NTNG1: variants seen among roughly 807,000 people sequenced by gnomAD.
NTNG1 encodes the protein netrin G1.
Under a neutral mutation model 54.0 loss-of-function variants are expected in NTNG1, and 16 were observed. That is an observed-to-expected ratio of 0.30 (90% CI 0.20 to 0.45). The LOEUF (loss-of-function observed/expected upper bound fraction) is 0.45, where lower values mean the gene tolerates loss of function less well. Ranked by LOEUF, NTNG1 falls within the 20% of genes least tolerant of loss-of-function variation. NTNG1 has a pLI of 1.00. For missense variants in NTNG1, 530 were observed against 678.7 expected (o/e 0.78, Z 2.43); for synonymous variants, 255 against 263.1 (o/e 0.97, Z 0.30).
At chr1:107,335,277 G>T (rs1330881581) in intron 3 of NTNG1, among the ~76,000 whole-genome samples, 1 of 151,936 alleles carries the variant, frequency 6.6e-6, no homozygotes, top group Non-Finnish European at 1.5e-5. Flanking sequence ...TCCCAAAGTT[G>T]TCTTCAAATG....
At chr1:107,380,565 A>C (rs759016972) in intron 3 of NTNG1, among the ~76,000 whole-genome samples, 1 of 152,228 alleles carries the variant, frequency 6.6e-6, no homozygotes, top group Non-Finnish European at 1.5e-5. Context: ...ATTCTTATGA[A>C]GGCATGTTTA....
At chr1:107,210,258 C>G (rs1401283238) in intron 2 of NTNG1, among the ~76,000 whole-genome samples, 1 of 152,152 alleles carries the variant, frequency 6.6e-6, no homozygotes, top group East Asian at 1.9e-4. Flanking sequence ...AACTTTTTTA[C>G]TCAAGTTCAT....
chr1:107,274,972 T>C (rs1446399877), intron 2 of NTNG1, among the ~76,000 whole-genome samples: 3 of 152,214 alleles, frequency 2.0e-5, no homozygotes, highest in South Asian at 2.1e-4. Context: ...CCAGAAATCT[T>C]TGTTCTTGTA....
At position 107,148,144 on chromosome 1, in the gene NTNG1, G is replaced by A. The variant is rs187713997; in HGVS notation, c.-450G>A. ...TATAGACACTCATCCTTTTGCTTCA[G>A]ATACTGATATCTCAGCCTGCTTGAG... On this transcript the variant is annotated 5_prime_UTR_variant, in exon 2 of 8. Transcript: ENST00000370068. The A allele has an allele frequency of 6.4e-4, 102 of 158,196 alleles. No homozygotes were observed. The highest frequency in any genetic ancestry group is 1.0e-3 in the Admixed American group (17 of 16,488). 9.8% of individuals were successfully genotyped at this position (158,196 alleles called of 1,614,324 possible). A position where few individuals can be genotyped will look rare whatever the true frequency, so the allele number is the denominator to read the frequency against.
intron 3 of NTNG1, among the ~76,000 whole-genome samples, chr1:107,368,347 T>C (rs1570781086): frequency 6.6e-6 from 1 of 151,612 alleles, no homozygotes; most frequent in Non-Finnish European, 1.5e-5. Flanking sequence ...AAAACATTGG[T>C]GGCAGAATTA....
intron 2 of NTNG1, among the ~76,000 whole-genome samples, chr1:107,267,684 G>A (rs1056685128): frequency 3.3e-5 from 5 of 152,046 alleles, no homozygotes; most frequent in South Asian, 2.1e-4. Context: ...GTCTTTGAAC[G>A]TGCTGCTTTC....
chr1:107,169,835 G>T (rs1011495391), intron 2 of NTNG1, among the ~76,000 whole-genome samples: 3 of 152,164 alleles, frequency 2.0e-5, no homozygotes, highest in Non-Finnish European at 4.4e-5. Flanking sequence ...GCCTCGCAAA[G>T]AATTGGTTTA....
intron 3 of NTNG1, among the ~76,000 whole-genome samples, chr1:107,336,855 T>C (rs1049817274): frequency 1.2e-4 from 18 of 151,992 alleles, no homozygotes; most frequent in Admixed American, 1.2e-3. Flanking sequence ...AAATGGTCAA[T>C]AAACATAGGC....
At chr1:107,466,720 G>A (rs115819701) in intron 7 of NTNG1, among the ~76,000 whole-genome samples, 295 of 152,270 alleles carry the variant, frequency 1.9e-3, no homozygotes, top group African/African-American at 7.0e-3. Flanking sequence ...TAGCCTCCCA[G>A]TTGTATCCAA....
chr1:107,413,888 T>A (rs936194002), intron 5 of NTNG1, among the ~76,000 whole-genome samples: 6 of 152,118 alleles, frequency 3.9e-5, no homozygotes, highest in Admixed American at 3.3e-4. Flanking sequence ...TTATATAAAT[T>A]AAACTAAAAT....
At chr1:107,194,380 A>G (rs1048752571) in intron 2 of NTNG1, among the ~76,000 whole-genome samples, 1 of 152,042 alleles carries the variant, frequency 6.6e-6, no homozygotes, top group South Asian at 2.1e-4. Context: ...ATCTTAAATC[A>G]ATACGTCCTT....
chr1:107,457,225 G>A (rs1648589286), intron 7 of NTNG1, among the ~76,000 whole-genome samples: 1 of 152,148 alleles, frequency 6.6e-6, no homozygotes, highest in African/African-American at 2.4e-5. Flanking sequence ...CAAATACAAA[G>A]TAAACACCAT....
intron 2 of NTNG1, among the ~76,000 whole-genome samples, chr1:107,283,277 C>T (rs942919143): frequency 1.3e-5 from 2 of 152,128 alleles, no homozygotes; most frequent in Admixed American, 1.3e-4. Context: ...AATCTCTAAC[C>T]TTTTTCAGCC....
chr1:107,264,369 A>G (rs894557785), intron 2 of NTNG1, among the ~76,000 whole-genome samples: 17 of 152,310 alleles, frequency 1.1e-4, no homozygotes, highest in African/African-American at 3.6e-4. Flanking sequence ...TGAAAGGCCC[A>G]TTCATTACAG....
At chr1:107,171,784 TTATC>T (rs1385681644) in intron 2 of NTNG1, among the ~76,000 whole-genome samples, 2 of 152,220 alleles carry the variant, frequency 1.3e-5, no homozygotes, top group African/African-American at 4.8e-5. Flanking sequence ...ACTGTTCACT[TTATC>T]TAAGTCAATA....
rs1678889388 is a variant in NTNG1 at position 107,484,066 on chromosome 1, T to G, written c.*3226T>G. ...CCCACACGCACACTTTTAGGCCAAA[T>G]GTAGGCCCCCTCTGGGGGTTTAAAC... is the stretch of plus-strand genomic sequence containing the variant. On this transcript the variant is annotated 3_prime_UTR_variant, in exon 8 of 8. Transcript: ENST00000370068. Among the ~76,000 whole-genome samples the G allele has an allele frequency of 6.6e-6, 1 of 152,148 alleles. No homozygotes were observed. Among genetic ancestry groups the G allele is most frequent in the Non-Finnish European group, 1.5e-5 (1 of 68,022 alleles).
At chr1:107,206,956 A>G (rs1659242140) in intron 2 of NTNG1, among the ~76,000 whole-genome samples, 1 of 152,208 alleles carries the variant, frequency 6.6e-6, no homozygotes, top group Non-Finnish European at 1.5e-5. Context: ...TACTTTAAGT[A>G]TATGAACATG....
chr1:107,164,319 G>T (rs1655615421), intron 2 of NTNG1, among the ~76,000 whole-genome samples: 1 of 152,138 alleles, frequency 6.6e-6, no homozygotes, highest in African/African-American at 2.4e-5. Flanking sequence ...ATTATAACTT[G>T]ATTTTGTGCA....
chr1:107,340,860 T>A (rs1306309641), intron 3 of NTNG1, among the ~76,000 whole-genome samples: 2 of 152,068 alleles, frequency 1.3e-5, no homozygotes, highest in African/African-American at 2.4e-5. Flanking sequence ...TCCCCATCCA[T>A]AAAATATACA....
Sources: allele counts gnomAD v4.1 joint callset (sites outside exome capture counted in the v4.1 genomes callset), GRCh38; gene constraint gnomAD v4.1.1; transcripts MANE v1.5; gene names NCBI Gene and HGNC (gene_info 2026-07-23, HGNC 2026-07-21).